The following PRKCA variants were observed in gnomAD, a reference collection of about 807,000 sequenced individuals.
PRKCA encodes the protein protein kinase C alpha.
PRKCA carries 27 observed loss-of-function variants against 87.0 expected under a neutral mutation model. That is an observed-to-expected ratio of 0.31 (90% confidence interval 0.23 to 0.43). PRKCA has a LOEUF of 0.43. Among genes scored for constraint, PRKCA ranks in the 20% least tolerant of loss-of-function variants. PRKCA has a pLI of 1.00. For synonymous variants in PRKCA, 329 were observed against 311.1 expected, an observed-to-expected ratio of 1.06 and a Z score of -0.61; for missense variants, 518 against 852.3, an observed-to-expected ratio of 0.61 and a Z score of 4.88.
At position 66,371,935 on chromosome 17, in the gene PRKCA, T is replaced by G. The variant is rs142295463; in HGVS notation, c.205+65808T>G. On this transcript the variant is annotated intron_variant, in intron 2 of 16. Transcript: ENST00000413366. ...TTTTTGTTAAATTGAACTGAAAAAT[T>G]GAAGCGCTTTGTATCTAAACAAATG... Among the ~76,000 whole-genome samples, 643 of 152,316 alleles carry G rather than the reference T, an allele frequency of 4.2e-3. 4 individuals are homozygous for G. The highest frequency in any genetic ancestry group is 0.015 in the African/African-American group (606 of 41,572).
intron 5 of PRKCA, among the ~76,000 whole-genome samples, chr17:66,657,931 A>G (rs568132322): frequency 2.0e-4 from 31 of 152,326 alleles, no homozygotes; most frequent in Admixed American, 6.5e-4. Flanking sequence ...TTGTGTTTAT[A>G]AAATAATAGA....
chr17:66,504,597 A>G (rs1916886358), intron 3 of PRKCA, among the ~76,000 whole-genome samples: 1 of 152,032 alleles, frequency 6.6e-6, no homozygotes, highest in South Asian at 2.1e-4. Flanking sequence ...TGCCTCAAAA[A>G]AGAAAAAAAA....
chr17:66,721,754 C>T (rs7226221), intron 8 of PRKCA, among the ~76,000 whole-genome samples: 92,216 of 151,972 alleles, frequency 0.61, 28,199 homozygotes, highest in East Asian at 0.71. Flanking sequence ...ATTACTGCAT[C>T]CTGTTTTATC....
chr17:66,688,599 T>C (rs540405961), intron 7 of PRKCA, among the ~76,000 whole-genome samples, 163 bp downstream of exon 7: 2 of 152,084 alleles, frequency 1.3e-5, no homozygotes, highest in Admixed American at 1.3e-4. Flanking sequence ...GCTCTGAGGT[T>C]TGAGACCAGC....
intron 13 of PRKCA, among the ~76,000 whole-genome samples, chr17:66,752,581 G>A (rs2144267743): frequency 6.6e-6 from 1 of 152,304 alleles, no homozygotes; most frequent in Admixed American, 6.5e-5. Context: ...CTGGGCAACA[G>A]CAAGACTCTG....
At chr17:66,325,155 A>G (rs1477370202) in intron 2 of PRKCA, among the ~76,000 whole-genome samples, 1 of 152,268 alleles carries the variant, frequency 6.6e-6, no homozygotes, top group South Asian at 2.1e-4. Context: ...TGAACATTTC[A>G]TCCAAAGCAA....
At chr17:66,444,078 A>G (rs1423045616) in intron 2 of PRKCA, among the ~76,000 whole-genome samples, 1 of 152,186 alleles carries the variant, frequency 6.6e-6, no homozygotes, top group East Asian at 1.9e-4. Flanking sequence ...ACCTGACAAG[A>G]TAATTGTGAC....
intron 2 of PRKCA, among the ~76,000 whole-genome samples, chr17:66,383,754 A>AC (rs1909898906): frequency 6.6e-6 from 1 of 152,130 alleles, no homozygotes; most frequent in Non-Finnish European, 1.5e-5. Flanking sequence ...GGAGTTCAAA[A>AC]CCAGCTAGGA....
In PRKCA at chr17:66,603,282, CCTT is replaced by C. The variant is rs1211971924; in HGVS notation, c.289-38072_289-38070del. The stretch of plus-strand genomic sequence containing the variant: ...CAGCCCTTTCCTGAACGCGTCATCT[CCTT>C]GAGGGTAAAAGGAGCCAGAGAACAC... On this transcript the variant is annotated intron_variant, in intron 3 of 16. Coordinates refer to ENST00000413366, the MANE Select transcript of PRKCA (RefSeq NM_002737.3). Among the ~76,000 whole-genome samples, 3 of 152,250 alleles carry C rather than the reference CCTT, an allele frequency of 2.0e-5. No homozygotes were observed. The East Asian group carries it at 5.8e-4, about 30-fold the overall frequency.
intron 2 of PRKCA, among the ~76,000 whole-genome samples, chr17:66,403,448 A>G (rs565541402): frequency 8.5e-4 from 130 of 152,328 alleles, no homozygotes; most frequent in Middle Eastern, 3.4e-3. Context: ...CTCCTATTGC[A>G]TTATAGCTCC....
At chr17:66,533,936 G>C (rs578031599) in intron 3 of PRKCA, among the ~76,000 whole-genome samples, 1 of 152,214 alleles carries the variant, frequency 6.6e-6, no homozygotes, top group Non-Finnish European at 1.5e-5. Context: ...TTGTTCGTTC[G>C]TAATGCCACA....
chr17:66,529,000 G>T (rs1203819978), intron 3 of PRKCA, among the ~76,000 whole-genome samples: 1 of 152,076 alleles, frequency 6.6e-6, no homozygotes, highest in African/African-American at 2.4e-5. Context: ...TGATGTATTG[G>T]GTTCAAATGG....
chr17:66,417,177 G>A (rs1912204580), intron 2 of PRKCA, among the ~76,000 whole-genome samples: 1 of 151,928 alleles, frequency 6.6e-6, no homozygotes, highest in Non-Finnish European at 1.5e-5. Context: ...TGGAATTACA[G>A]GTGTGAGCCA....
intron 2 of PRKCA, among the ~76,000 whole-genome samples, chr17:66,398,770 G>C (rs1261672387): frequency 1.3e-5 from 2 of 152,164 alleles, no homozygotes; most frequent in Non-Finnish European, 2.9e-5. Flanking sequence ...ATGTTCTTTT[G>C]ATAAGTAAAA....
intron 4 of PRKCA, among the ~76,000 whole-genome samples, chr17:66,644,052 G>A (rs896979993): frequency 7.2e-5 from 11 of 152,084 alleles, no homozygotes; most frequent in East Asian, 1.9e-4. Context: ...AATTTTGCCC[G>A]GACACTTAAA....
At chr17:66,748,719 G>T (rs1256974745) in intron 13 of PRKCA, among the ~76,000 whole-genome samples, 1 of 152,104 alleles carries the variant, frequency 6.6e-6, no homozygotes, top group Non-Finnish European at 1.5e-5. Flanking sequence ...TAAATGGAAG[G>T]AAAGAAAGTG....
intron 8 of PRKCA, among the ~76,000 whole-genome samples, chr17:66,692,121 G>A (rs1037898275): frequency 1.3e-5 from 2 of 152,222 alleles, no homozygotes; most frequent in African/African-American, 4.8e-5. Flanking sequence ...AAGGCTGTGA[G>A]CATCCTGGGG....
chr17:66,711,213 C>G (rs1200023089), intron 8 of PRKCA, among the ~76,000 whole-genome samples: 1 of 152,140 alleles, frequency 6.6e-6, no homozygotes, highest in Non-Finnish European at 1.5e-5. Context: ...CTGTTAATAT[C>G]TTTCAATCAC....
rs1338868904 is a variant in PRKCA at position 66,780,092 on chromosome 17, G to A, written c.1605+6025G>A. Among the ~76,000 whole-genome samples the A allele has an allele frequency of 2.0e-5, 3 of 152,196 alleles. No homozygotes were observed. In the South Asian group the frequency reaches 6.2e-4, roughly 32 times the overall value. ...AGCCTAGAGAGACTTAACAAAGGCCGTAAATGTGTTCACATTTTTTTAGGC... is the reference window on the plus strand; with the variant it reads ...AGCCTAGAGAGACTTAACAAAGGCCATAAATGTGTTCACATTTTTTTAGGC... On this transcript the variant is annotated intron_variant, in intron 14 of 16. Coordinates refer to ENST00000413366, the MANE Select transcript of PRKCA (RefSeq NM_002737.3).
Sources: allele counts gnomAD v4.1 joint callset (sites outside exome capture counted in the v4.1 genomes callset), GRCh38; gene constraint gnomAD v4.1.1; transcripts MANE v1.5; gene names NCBI Gene and HGNC (gene_info 2026-07-23, HGNC 2026-07-21).